DACH1: variants seen among roughly 807,000 people sequenced by gnomAD.
DACH1 encodes the protein dachshund family transcription factor 1, also known as dachshund homolog 1.
DACH1 carries 12 observed loss-of-function variants against 54.2 expected under a neutral mutation model. The ratio of observed to expected loss-of-function variants is 0.22; its 90% CI spans 0.14 to 0.36. The LOEUF (loss-of-function observed/expected upper bound fraction) is 0.36, where lower values mean the gene tolerates loss of function less well. DACH1 is among the 10% of genes least tolerant of loss of function. The pLI is 1.00. For missense variants in DACH1, 805 were observed against 929.8 expected (o/e 0.87, Z 1.75); for synonymous variants, 386 against 366.2 (o/e 1.05, Z -0.62).
At position 71,766,326 on chromosome 13, in the gene DACH1, A is replaced by C. The variant is rs577801401; in HGVS notation, c.849-84416T>G. On this transcript the variant is annotated intron_variant, in intron 1 of 10. Coordinates refer to ENST00000613252, the MANE Select transcript of DACH1 (RefSeq NM_080759.6). ...CTATAATCACTTGTGGAGATGTTTAAAATTCCAATGGCCGGGCTTCATTCA... is the reference window on the plus strand; with the variant it reads ...CTATAATCACTTGTGGAGATGTTTACAATTCCAATGGCCGGGCTTCATTCA... Among the ~76,000 whole-genome samples the C allele has an allele frequency of 5.9e-5, 9 of 152,276 alleles. No individual in the cohort carries two copies. The East Asian group carries it at 1.5e-3, about 26-fold the overall frequency.
chr13:71,608,968 T>C (rs1203043197), intron 3 of DACH1, among the ~76,000 whole-genome samples: 1 of 152,234 alleles, frequency 6.6e-6, no homozygotes, highest in East Asian at 1.9e-4. Context: ...CTACCCAACA[T>C]GCAAATGGAC....
intron 1 of DACH1, among the ~76,000 whole-genome samples, chr13:71,710,799 A>G (rs1387972486): frequency 6.6e-6 from 1 of 152,216 alleles, no homozygotes; most frequent in Non-Finnish European, 1.5e-5. Context: ...TCAGTGGAAC[A>G]TCTGCAAAGC....
Position 71,586,167 on chromosome 13 carries a change from G to C in DACH1, c.1127-13155C>G, listed in dbSNP as rs74878160. 2.8e-3 allele frequency among the ~76,000 whole-genome samples: 428 copies of C among 152,096 alleles called. 17 individuals are homozygous for C. The East Asian group carries it at 0.072, about 26-fold the overall frequency. On this transcript the variant is annotated intron_variant, in intron 3 of 10. Transcript: ENST00000613252. Reference sequence around the variant, plus strand: ...GATATAATTTACCCTTTCTTGACAGGGGGTACCAGCTCACCAATAACTGAG... The same window carrying C: ...GATATAATTTACCCTTTCTTGACAGCGGGTACCAGCTCACCAATAACTGAG...
intron 1 of DACH1, among the ~76,000 whole-genome samples, chr13:71,781,923 G>C (rs755494258): frequency 6.6e-6 from 1 of 152,106 alleles, no homozygotes; most frequent in Non-Finnish European, 1.5e-5. Context: ...TGTTGAATTG[G>C]ATCAGATCAT....
At chr13:71,550,258 C>A (rs906683096) in intron 6 of DACH1, among the ~76,000 whole-genome samples, 18 of 152,208 alleles carry the variant, frequency 1.2e-4, no homozygotes, top group African/African-American at 4.1e-4. Flanking sequence ...ATGCATCAAG[C>A]ACTCCAGACA....
rs895243861 is a variant in DACH1, at chr13:71,471,414, G to T, written c.2083+3727C>A. Among the ~76,000 whole-genome samples, 3 of 152,152 alleles carry T rather than the reference G, an allele frequency of 2.0e-5. No individual in the cohort carries two copies. In the East Asian group the frequency reaches 5.8e-4, roughly 29 times the overall value. On this transcript the variant is annotated intron_variant, in intron 10 of 10. Coordinates refer to ENST00000613252, the MANE Select transcript of DACH1 (RefSeq NM_080759.6). ...ATATTATTATCTGGAGCTCTTAAGAGATGTCTGAGTGGATTGGAAAAATGT... is the reference window on the plus strand; with the variant it reads ...ATATTATTATCTGGAGCTCTTAAGATATGTCTGAGTGGATTGGAAAAATGT...
chr13:71,740,985 G>A (rs968669086), intron 1 of DACH1, among the ~76,000 whole-genome samples: 33 of 152,126 alleles, frequency 2.2e-4, no homozygotes, highest in African/African-American at 7.7e-4. Flanking sequence ...TATCACTGAA[G>A]ATAACATGAA....
chr13:71,543,045 A>G (rs2138336754), intron 6 of DACH1, among the ~76,000 whole-genome samples: 1 of 152,244 alleles, frequency 6.6e-6, no homozygotes, highest in East Asian at 1.9e-4. Context: ...CATAAAAGAG[A>G]TTTTCCAATA....
chr13:71,630,798 T>C (rs996020648), intron 2 of DACH1, 81 bp from the exon 3 acceptor site: 42 of 1,405,988 alleles, frequency 3.0e-5, no homozygotes, highest in Admixed American at 6.1e-5. Context: ...ATAACCAACA[T>C]ACAAACATTT....
At chr13:71,458,402 C>A (rs1172450373) in intron 10 of DACH1, among the ~76,000 whole-genome samples, 1 of 151,920 alleles carries the variant, frequency 6.6e-6, no homozygotes, top group Non-Finnish European at 1.5e-5. Flanking sequence ...GGAATGTACT[C>A]TGACAGTTGC....
At chr13:71,817,319 T>C (rs1386874107) in intron 1 of DACH1, among the ~76,000 whole-genome samples, 8 of 152,206 alleles carry the variant, frequency 5.3e-5, no homozygotes, top group Non-Finnish European at 1.2e-4. Context: ...CTGTAAGTTG[T>C]GTAGAGTGCT....
At chr13:71,531,765 C>T (rs983073940) in intron 6 of DACH1, among the ~76,000 whole-genome samples, 6 of 151,840 alleles carry the variant, frequency 4.0e-5, no homozygotes, top group South Asian at 4.1e-4. Flanking sequence ...TGTTTGTTTT[C>T]GGAAGTGTTG....
At chr13:71,719,699 T>C (rs1883142885) in intron 1 of DACH1, among the ~76,000 whole-genome samples, 1 of 152,020 alleles carries the variant, frequency 6.6e-6, no homozygotes, top group African/African-American at 2.4e-5. Flanking sequence ...ACCCCATCAC[T>C]ACAAAAAATT....
chr13:71,619,112 G>A (rs1566382839), intron 3 of DACH1, among the ~76,000 whole-genome samples: 2 of 151,194 alleles, frequency 1.3e-5, no homozygotes, highest in Non-Finnish European at 3.0e-5. Context: ...ATATATATGT[G>A]TGTATATATA....
At chr13:71,472,675 A>T (rs1877188449) in intron 10 of DACH1, among the ~76,000 whole-genome samples, 1 of 152,186 alleles carries the variant, frequency 6.6e-6, no homozygotes, top group South Asian at 2.1e-4. Context: ...AGTTGGAGAG[A>T]GAAAGTGATG....
intron 1 of DACH1, among the ~76,000 whole-genome samples, chr13:71,790,383 G>A (rs994183056): frequency 6.6e-6 from 1 of 152,082 alleles, no homozygotes; most frequent in African/African-American, 2.4e-5. Flanking sequence ...TCTCCTTAGG[G>A]TCAAGAATTA....
chr13:71,491,263 C>G (rs1337214727), intron 6 of DACH1, among the ~76,000 whole-genome samples: 1 of 152,150 alleles, frequency 6.6e-6, no homozygotes, highest in Non-Finnish European at 1.5e-5. Context: ...CCTAGAGTGA[C>G]TGATTTCAAT....
intron 1 of DACH1, among the ~76,000 whole-genome samples, chr13:71,790,832 A>G (rs1345143395): frequency 6.6e-6 from 1 of 152,214 alleles, no homozygotes; most frequent in Non-Finnish European, 1.5e-5. Flanking sequence ...AAGGCTATTT[A>G]GTTAGGTGTT....
chr13:71,475,050 G>T, intron 10 of DACH1, 91 bp downstream of exon 10: 2 of 1,156,736 alleles, frequency 1.7e-6, no homozygotes, highest in Non-Finnish European at 2.6e-6. Flanking sequence ...ATGTGGCCCA[G>T]ATGGTAGGCT....
Sources: allele counts gnomAD v4.1 joint callset (sites outside exome capture counted in the v4.1 genomes callset), GRCh38; gene constraint gnomAD v4.1.1; transcripts MANE v1.5; gene names NCBI Gene and HGNC (gene_info 2026-07-23, HGNC 2026-07-21).